GRIK1: variants seen among roughly 807,000 people sequenced by gnomAD.
GRIK1 encodes glutamate receptor ionotropic, kainate 1.
GRIK1 carries 69 observed loss-of-function variants against 105.7 expected under a neutral mutation model. The ratio of observed to expected loss-of-function variants is 0.65; its 90% CI spans 0.54 to 0.80. GRIK1 has a LOEUF of 0.80. GRIK1 is among the 30% of genes least tolerant of loss of function. The pLI, the probability that GRIK1 is intolerant of heterozygous loss-of-function variation, is 0.00. For missense variants in GRIK1, 1,109 were observed against 1,167.3 expected, an observed-to-expected ratio of 0.95 and a Z score of 0.73; for synonymous variants, 438 against 431.3, an observed-to-expected ratio of 1.02 and a Z score of -0.19.
At chr21:29,620,831 T>TAATA (rs10673323) in intron 7 of GRIK1, among the ~76,000 whole-genome samples, 74,040 of 139,762 alleles carry the variant, frequency 0.53, 21,987 homozygotes, top group African/African-American at 0.82. Flanking sequence ...TAATAATATA[T>TAATA]TATAGTCATA....
At chr21:29,843,434 A>G (rs1310152598) in intron 1 of GRIK1, among the ~76,000 whole-genome samples, 1 of 152,242 alleles carries the variant, frequency 6.6e-6, no homozygotes, top group African/African-American at 2.4e-5. Flanking sequence ...GAGCAAATGG[A>G]TGTTTTGAGA....
At chr21:29,847,756 TG>T (rs1162291427) in intron 1 of GRIK1, among the ~76,000 whole-genome samples, 1 of 152,238 alleles carries the variant, frequency 6.6e-6, no homozygotes, top group African/African-American at 2.4e-5. Context: ...TATCCTCAGC[TG>T]GACTTCCACT....
intron 4 of GRIK1, among the ~76,000 whole-genome samples, chr21:29,660,545 C>G (rs1429531427): frequency 6.6e-6 from 1 of 152,220 alleles, no homozygotes; most frequent in Non-Finnish European, 1.5e-5. Context: ...GCAACCATCA[C>G]TAAGGGAAAT....
At chr21:29,567,794 T>A (rs1027590597) in intron 14 of GRIK1, among the ~76,000 whole-genome samples, 6 of 152,344 alleles carry the variant, frequency 3.9e-5, no homozygotes, top group Admixed American at 1.3e-4. Context: ...ACATGATTAA[T>A]ATATTATTTC....
chr21:29,863,892 G>T (rs911769263), intron 1 of GRIK1, among the ~76,000 whole-genome samples: 11 of 152,010 alleles, frequency 7.2e-5, no homozygotes, highest in African/African-American at 2.7e-4. Context: ...TCTCAATAAG[G>T]CCAAGCACAT....
In GRIK1 at chr21:29,891,291, G is replaced by A. The variant is rs2832478; in HGVS notation, c.118+48092C>T. On this transcript the variant is annotated intron_variant, in intron 1 of 17. Coordinates refer to ENST00000327783, the MANE Select transcript of GRIK1 (RefSeq NM_001330994.2). Reference sequence around the variant, plus strand: ...GAATCCGATCATTCAGTATCATCGAGAATCTCACGCAAATATCATACATAA... The same window carrying A: ...GAATCCGATCATTCAGTATCATCGAAAATCTCACGCAAATATCATACATAA... 8.6e-3 allele frequency among the ~76,000 whole-genome samples: 1,315 copies of A among 152,096 alleles called. 11 individuals carry two copies. Among genetic ancestry groups the A allele is most frequent in the East Asian group, 0.025 (130 of 5,172 alleles).
intron 3 of GRIK1, among the ~76,000 whole-genome samples, chr21:29,688,630 ATAAAAT>A: frequency 6.6e-6 from 1 of 152,230 alleles, no homozygotes; most frequent in Non-Finnish European, 1.5e-5. Flanking sequence ...CATAAATAAG[ATAAAAT>A]TAGGATGCTT....
At chr21:29,667,174 A>G (rs1189512175) in intron 4 of GRIK1, among the ~76,000 whole-genome samples, 1 of 152,222 alleles carries the variant, frequency 6.6e-6, no homozygotes, top group Non-Finnish European at 1.5e-5. Context: ...ATAGTGTGCC[A>G]TGCTTGACTT....
At chr21:29,725,342 G>A (rs2146875184) in intron 1 of GRIK1, among the ~76,000 whole-genome samples, 1 of 152,310 alleles carries the variant, frequency 6.6e-6, no homozygotes, top group East Asian at 1.9e-4. Context: ...GACTCACTGT[G>A]TTTTATGTTT....
At chr21:29,579,042 T>C (rs933806735) in intron 13 of GRIK1, among the ~76,000 whole-genome samples, 14 of 152,202 alleles carry the variant, frequency 9.2e-5, no homozygotes, top group African/African-American at 3.4e-4. Context: ...TTATGTATTA[T>C]ATGGCATTAA....
intron 1 of GRIK1, among the ~76,000 whole-genome samples, chr21:29,749,814 A>G (rs1369011571): frequency 6.6e-6 from 1 of 152,078 alleles, no homozygotes; most frequent in Non-Finnish European, 1.5e-5. Flanking sequence ...AAATTATTTA[A>G]CTCCTCTGAG....
intron 1 of GRIK1, among the ~76,000 whole-genome samples, chr21:29,858,464 T>C (rs2068532699): frequency 6.6e-6 from 1 of 152,114 alleles, no homozygotes; most frequent in African/African-American, 2.4e-5. Context: ...CTCTCCTTCC[T>C]TTAGGAAGTG....
rs150372437 is a variant in GRIK1, at chr21:29,581,296, G to T, written c.1912+129C>A. Reference sequence around the variant, plus strand: ...ATCTTCAAAACCGGCTAGAAAGTCCGTTGCTATTTTCTTAAGTTCCTGAGA... The same window carrying T: ...ATCTTCAAAACCGGCTAGAAAGTCCTTTGCTATTTTCTTAAGTTCCTGAGA... On this transcript the variant is annotated intron_variant, in intron 13 of 17. Coordinates refer to ENST00000327783, the MANE Select transcript of GRIK1 (RefSeq NM_001330994.2). The T allele has an allele frequency of 3.6e-5, 24 of 665,796 alleles. 2 individuals are homozygous for T. In the African/African-American group the frequency reaches 4.1e-4, roughly 12 times the overall value. 41.2% of individuals were successfully genotyped at this position (665,796 alleles called of 1,614,324 possible).
chr21:29,560,360 TCTTTCTTCCTTCCTTC>T (rs1206240859), intron 15 of GRIK1, among the ~76,000 whole-genome samples: 35 of 46,956 alleles, frequency 7.5e-4, no homozygotes, highest in South Asian at 9.6e-4. Context: ...TCTTTCTTTT[TCTTTCTTCCTTCCTTC>T]CTTCCTTCCT....
chr21:29,725,919 T>A (rs1350930147), intron 1 of GRIK1, among the ~76,000 whole-genome samples: 3 of 152,192 alleles, frequency 2.0e-5, no homozygotes, highest in African/African-American at 7.2e-5. Flanking sequence ...ACTTTACACT[T>A]CAGCACGTTC....
At chr21:29,782,186 A>T (rs530086203) in intron 1 of GRIK1, among the ~76,000 whole-genome samples, 88 of 147,100 alleles carry the variant, frequency 6.0e-4, no homozygotes, top group Admixed American at 2.3e-3. Flanking sequence ...TCCCGGGTTC[A>T]CGCCATTCTC....
intron 7 of GRIK1, among the ~76,000 whole-genome samples, chr21:29,633,299 G>A (rs897123072): frequency 6.6e-6 from 1 of 152,168 alleles, no homozygotes; most frequent in Non-Finnish European, 1.5e-5. Context: ...AAGAGCTGGA[G>A]ATTATCCTGG....
chr21:29,619,285 A>G (rs1361799313), intron 7 of GRIK1, among the ~76,000 whole-genome samples: 1 of 151,254 alleles, frequency 6.6e-6, no homozygotes, highest in Non-Finnish European at 1.5e-5. Context: ...AAAAATAGAA[A>G]AATTAGCCGG....
rs1008494021 is a variant in GRIK1, at chr21:29,939,550, G to A, written c.-50C>T. 3.3e-6 allele frequency: 4 copies of A among 1,216,152 alleles called. 1 individual carries two copies. The South Asian group carries it at 4.2e-5, about 13-fold the overall frequency. 75.3% of individuals were successfully genotyped at this position (1,216,152 alleles called of 1,614,324 possible). ...GAGATACAGCCGCTGCCGGACGCCC[G>A]AGAGATGCACCCAACTTGGGCCGGG... On this transcript the variant is annotated 5_prime_UTR_variant, in exon 1 of 18. Coordinates refer to ENST00000327783, the MANE Select transcript of GRIK1 (RefSeq NM_001330994.2).
Sources: gnomAD v4.1 joint callset for allele counts (sites outside exome capture counted in the v4.1 genomes callset) on GRCh38, gnomAD v4.1.1 for gene constraint, MANE v1.5 for transcripts, NCBI Gene and HGNC (gene_info 2026-07-23, HGNC 2026-07-21) for gene names.